Variants in SCRN3 observed in about 807,000 individuals in gnomAD.
The protein encoded by SCRN3 is secernin-3.
A neutral mutation model predicts 43.1 loss-of-function variants in SCRN3; 39 were observed. The observed-to-expected ratio is 0.91, with a 90% confidence interval of 0.70 to 1.18. The LOEUF is 1.18. Among genes scored for constraint, SCRN3 ranks in the 50% most tolerant of loss-of-function variants. The probability of loss-of-function intolerance (pLI) is 0.00; values close to 1 mark genes in which losing one functional copy is unlikely to be tolerated. For synonymous variants in SCRN3, 147 were observed against 163.1 expected (o/e 0.90, Z 0.75); for missense variants, 484 against 498.0 (o/e 0.97, Z 0.27).
In SCRN3 at chr2:174,428,017, T is replaced by G; in HGVS notation, c.*122T>G. 1.6e-6 allele frequency: 1 copy of G among 623,676 alleles called. No homozygotes were observed. The highest frequency in any genetic ancestry group is 2.7e-6 in the Non-Finnish European group (1 of 368,352). The allele number at this position is 623,676 out of a possible 1,614,324, so 38.6% of individuals were successfully genotyped here. A position where few individuals can be genotyped will look rare whatever the true frequency, so the allele number is the denominator to read the frequency against. Reference sequence around the variant, plus strand: ...TTGAGCAGATCTGATTATTCTTGGATAGTATTCAAGTGGTATCTTGACTAT... The same window carrying G: ...TTGAGCAGATCTGATTATTCTTGGAGAGTATTCAAGTGGTATCTTGACTAT... On this transcript the variant is annotated 3_prime_UTR_variant, in exon 8 of 8. Transcript: ENST00000272732.
At chr2:174,422,186 G>C (rs1001846400) in intron 5 of SCRN3, among the ~76,000 whole-genome samples, 1 of 152,138 alleles carries the variant, frequency 6.6e-6, no homozygotes, top group African/African-American at 2.4e-5. Context: ...GGCACTTTGG[G>C]AGGCTGATGG....
Position 174,399,962 on chromosome 2 carries a change from C to G in SCRN3, c.200C>G (p.Ala67Gly). 1 of 1,555,366 alleles carries G rather than the reference C, an allele frequency of 6.4e-7. No homozygotes were observed. Among genetic ancestry groups the G allele is most frequent in the South Asian group, 1.2e-5 (1 of 82,854 alleles). Residue 67 changes from alanine (A) to glycine (G), a missense_variant, in exon 3 of 8, where the codon GCT (alanine) becomes GGT (glycine). Ala to Gly is a moderately conservative substitution (Grantham distance 60, BLOSUM62 0). Coordinates refer to ENST00000272732, the MANE Select transcript of SCRN3 (RefSeq NM_024583.5). ...IEIDQVPETYAVVLSRPAWLW... is the reference protein window; with the variant it reads ...IEIDQVPETYGVVLSRPAWLW... The stretch of plus-strand genomic sequence containing the variant: ...ATTGATCAAGTTCCTGAAACATATG[C>G]TGTTGTCCTGAGTCGCCCAGCGTGG...
At chr2:174,403,737 C>T (rs1046910479) in intron 4 of SCRN3, among the ~76,000 whole-genome samples, 24 of 152,092 alleles carry the variant, frequency 1.6e-4, no homozygotes, top group Non-Finnish European at 2.9e-5. Flanking sequence ...AAAAGGGCAA[C>T]ATGAGGGATC....
At chr2:174,425,247 C>T (rs1686440936) in intron 7 of SCRN3, among the ~76,000 whole-genome samples, 1 of 152,046 alleles carries the variant, frequency 6.6e-6, no homozygotes, top group Non-Finnish European at 1.5e-5. Flanking sequence ...AATCTCTTCT[C>T]TAGAAATAAG....
intron 4 of SCRN3, 96 bp from the exon 5 acceptor site, chr2:174,404,007 T>G: frequency 1.1e-6 from 1 of 892,602 alleles, no homozygotes; most frequent in Non-Finnish European, 1.7e-6. Context: ...TCTATATTTA[T>G]GTTTACATAG....
In SCRN3 at chr2:174,400,117, A is replaced by G; in HGVS notation, c.341+14A>G. Reference sequence around the variant, plus strand: ...GGACCTTGTCAGGTTATTTTTTGTTACATTTTATACTACAGACCTTGTCTA... The same window carrying G: ...GGACCTTGTCAGGTTATTTTTTGTTGCATTTTATACTACAGACCTTGTCTA... On this transcript the variant is annotated intron_variant, in intron 3 of 7. Coordinates refer to ENST00000272732, the MANE Select transcript of SCRN3 (RefSeq NM_024583.5). The G allele has an allele frequency of 2.0e-6, 3 of 1,507,306 alleles. No homozygotes were observed. The highest frequency in any genetic ancestry group is 2.7e-6 in the Non-Finnish European group (3 of 1,120,170). The allele number at this position is 1,507,306 out of a possible 1,614,324, so 93.4% of individuals were successfully genotyped here.
At chr2:174,424,087 A>C (rs977922798) in intron 6 of SCRN3, among the ~76,000 whole-genome samples, 1 of 152,124 alleles carries the variant, frequency 6.6e-6, no homozygotes, top group Non-Finnish European at 1.5e-5. Flanking sequence ...CACTGTGCCC[A>C]GCATGTGTCC....
At chr2:174,420,062 C>T (rs1474557870) in intron 5 of SCRN3, among the ~76,000 whole-genome samples, 1 of 152,110 alleles carries the variant, frequency 6.6e-6, no homozygotes, top group African/African-American at 2.4e-5. Flanking sequence ...TTCTGTGTCA[C>T]AGTTTCTTAA....
chr2:174,413,654 G>A (rs545093354), intron 5 of SCRN3, among the ~76,000 whole-genome samples: 1 of 136,710 alleles, frequency 7.3e-6, no homozygotes, highest in African/African-American at 2.7e-5. Context: ...GCAGTGGTAC[G>A]ATCTTGGCTC....
chr2:174,417,692 C>T (rs147659298), intron 5 of SCRN3, among the ~76,000 whole-genome samples: 79 of 152,276 alleles, frequency 5.2e-4, no homozygotes, highest in African/African-American at 1.8e-3. Context: ...CGCACCTGGC[C>T]TAATTATATT....
intron 3 of SCRN3, among the ~76,000 whole-genome samples, 165 bp downstream of exon 3, chr2:174,400,268 G>C (rs756256240): frequency 6.6e-6 from 1 of 151,934 alleles, no homozygotes; most frequent in Non-Finnish European, 1.5e-5. Context: ...TCTCAGTTTT[G>C]TTTGGTTTTT....
At position 174,401,489 on chromosome 2, in the gene SCRN3, A is replaced by AT. The variant is rs531106811; in HGVS notation, c.541+303dup. Among the ~76,000 whole-genome samples, 825 of 152,232 alleles carry AT rather than the reference A, an allele frequency of 5.4e-3. 5 individuals carry two copies. Among genetic ancestry groups the AT allele is most frequent in the African/African-American group, 0.019 (775 of 41,542 alleles). ...TTTTTCACTTTAATAATCCCTTACA[A>AT]TTTCTTCCCCTTTAAACTTTGGGCT... On this transcript the variant is annotated intron_variant, in intron 4 of 7. Coordinates refer to ENST00000272732, the MANE Select transcript of SCRN3 (RefSeq NM_024583.5).
intron 3 of SCRN3, among the ~76,000 whole-genome samples, chr2:174,400,470 A>AT (rs557595956): frequency 2.0e-5 from 3 of 151,134 alleles, no homozygotes; most frequent in Non-Finnish European, 3.0e-5. Context: ...ATTAAAAAAA[A>AT]TTTTTTTTTC....
Position 174,424,609 on chromosome 2 carries a change from A to T in SCRN3, c.1052A>T (p.Gln351Leu). 2 of 1,612,322 alleles carry T rather than the reference A, an allele frequency of 1.2e-6. No homozygotes were observed. The highest frequency in any genetic ancestry group is 1.7e-6 in the Non-Finnish European group (2 of 1,178,800). ...CCTGACAGAAGACACCCACTCTACC[A>T]AAAACATCAACAGGCATTGGAAGTA... is the stretch of plus-strand genomic sequence containing the variant. ...FKPDRRHPLY[Q>L]KHQQALEVVN... Residue 351 changes from glutamine to leucine, a missense_variant, in exon 7 of 8, where the codon CAA (glutamine) becomes CTA (leucine). By Grantham distance (113) the Gln-to-Leu change is moderately radical. Coordinates refer to ENST00000272732, the MANE Select transcript of SCRN3 (RefSeq NM_024583.5).
chr2:174,402,503 C>G (rs1020222830), intron 4 of SCRN3, among the ~76,000 whole-genome samples: 2 of 152,106 alleles, frequency 1.3e-5, no homozygotes, highest in Non-Finnish European at 2.9e-5. Flanking sequence ...GCTTGGGCAA[C>G]ACAGTGAGAC....
At chr2:174,398,201 C>A in intron 1 of SCRN3, 74 bp from the exon 2 acceptor site, 1 of 856,070 alleles carries the variant, frequency 1.2e-6, no homozygotes, top group South Asian at 2.1e-5. Context: ...ATCCTTTGGT[C>A]ATTGAGTAAA....
intron 4 of SCRN3, among the ~76,000 whole-genome samples, chr2:174,402,632 T>C (rs1169207687): frequency 6.6e-6 from 1 of 152,100 alleles, no homozygotes; most frequent in Non-Finnish European, 1.5e-5. Flanking sequence ...GAGGCTGCAG[T>C]GAGCTATTAT....
chr2:174,428,899 A>G lies in SCRN3; in HGVS notation c.*1004A>G, dbSNP rs1246771719. ...AATCCAACTGAAAATAACACTAAGT[A>G]TTTTTGAGTTCCTAGAATGTCCATT... On this transcript the variant is annotated 3_prime_UTR_variant, in exon 8 of 8. Coordinates refer to ENST00000272732, the MANE Select transcript of SCRN3 (RefSeq NM_024583.5). The G allele has an allele frequency of 6.6e-6, 1 of 152,174 alleles. No individual in the cohort carries two copies. The highest frequency in any genetic ancestry group is 1.5e-5 in the Non-Finnish European group (1 of 68,026). The allele number at this position is 152,174 out of a possible 1,614,324, so 9.4% of individuals were successfully genotyped here. A position where few individuals can be genotyped will look rare whatever the true frequency, so the allele number is the denominator to read the frequency against.
intron 1 of SCRN3, chr2:174,396,394 A>G (rs1685311539): frequency 2.2e-6 from 2 of 891,216 alleles, no homozygotes; most frequent in African/African-American, 3.6e-5. Flanking sequence ...TAGGCAGCTC[A>G]GGTTACTATT....
Sources: allele counts gnomAD v4.1 joint callset (sites outside exome capture counted in the v4.1 genomes callset), GRCh38; gene constraint gnomAD v4.1.1; transcripts MANE v1.5; gene names NCBI Gene and HGNC (gene_info 2026-07-23, HGNC 2026-07-21).